CDH4: variants seen among roughly 807,000 people sequenced by gnomAD.
The protein encoded by CDH4 is cadherin-4.
A neutral mutation model predicts 86.0 loss-of-function variants in CDH4; 33 were observed. That is an observed-to-expected ratio of 0.38 (90% CI 0.29 to 0.51). The LOEUF (loss-of-function observed/expected upper bound fraction) is 0.51. CDH4 is among the 20% of genes least tolerant of loss of function. The pLI is 0.86. For synonymous variants in CDH4, 555 were observed against 549.4 expected (o/e 1.01, Z -0.14); for missense variants, 1,114 against 1,307.4 (o/e 0.85, Z 2.28).
intron 2 of CDH4, among the ~76,000 whole-genome samples, chr20:61,388,009 T>C (rs1359595469): frequency 6.6e-6 from 1 of 152,192 alleles, no homozygotes; most frequent in Non-Finnish European, 1.5e-5. Flanking sequence ...AATAAATGGG[T>C]GTCTATAATT....
intron 2 of CDH4, among the ~76,000 whole-genome samples, chr20:61,729,953 A>G (rs545761261): frequency 6.6e-6 from 1 of 152,256 alleles, no homozygotes; most frequent in Admixed American, 6.5e-5. Context: ...TTCTTTGGAG[A>G]AGGTACAGCT....
intron 2 of CDH4, among the ~76,000 whole-genome samples, chr20:61,285,573 A>T (rs1182601882): frequency 6.6e-6 from 1 of 152,264 alleles, no homozygotes; most frequent in Non-Finnish European, 1.5e-5. Flanking sequence ...GCAGATAATG[A>T]TGGCACCATA....
Position 61,709,912 on chromosome 20 carries a change from C to T in CDH4, c.170-33651C>T, listed in dbSNP as rs1370544653. Among the ~76,000 whole-genome samples, 2 of 152,092 alleles carry T rather than the reference C, an allele frequency of 1.3e-5. No individual in the cohort carries two copies. Among genetic ancestry groups the T allele is most frequent in the Middle Eastern group, 3.2e-3 (1 of 316 alleles). ...AGATGATCACGTCTGTTTTTGTAGC[C>T]GTGTGAGAGTTTTTTTCATTAGCGG... On this transcript the variant is annotated intron_variant, in intron 2 of 15. Coordinates refer to ENST00000614565, the MANE Select transcript of CDH4 (RefSeq NM_001794.5). This position sits in a 1 kb window ranked among gnomAD's most constrained non-coding sequence, Gnocchi z 4.8.
intron 2 of CDH4, among the ~76,000 whole-genome samples, chr20:61,444,731 G>A (rs1296765023): frequency 7.0e-6 from 1 of 143,458 alleles, no homozygotes; most frequent in African/African-American, 2.6e-5. Context: ...GTATATGTAT[G>A]TGTGTTTCTC....
rs1360115740 is a variant in CDH4, at chr20:61,923,675, C to T, written c.1599C>T (p.Asp533=). The stretch of plus-strand genomic sequence containing the variant: ...TGCTGACCACGTTTTCAGCTGTGGA[C>T]CCTGACCGGTTCATGCAGCAGGCTG... The part of the protein sequence containing the change: ...GTVLTTFSAV[D]PDRFMQQAVR... Residue 533 remains aspartate (D), a synonymous_variant, in exon 10 of 16, where the codon GAC becomes GAT. Transcript: ENST00000614565. The T allele has an allele frequency of 3.1e-6, 5 of 1,613,922 alleles. No individual in the cohort carries two copies. The Admixed American group carries it at 5.0e-5, about 16-fold the overall frequency.
At position 61,286,104 on chromosome 20, in the gene CDH4, T is replaced by G. The variant is rs564831081; in HGVS notation, c.169+31167T>G. Reference sequence around the variant, plus strand: ...GCAAGGGATCAGAGGGAGATGGTGCTCAGATTGATGGTGAGTTGGCCAAGG... The same window carrying G: ...GCAAGGGATCAGAGGGAGATGGTGCGCAGATTGATGGTGAGTTGGCCAAGG... On this transcript the variant is annotated intron_variant, in intron 2 of 15. Transcript: ENST00000614565. Among the ~76,000 whole-genome samples the G allele has an allele frequency of 3.3e-4, 51 of 152,314 alleles. No individual in the cohort carries two copies. The South Asian group carries it at 0.011, about 32-fold the overall frequency.
At chr20:61,605,324 C>CCTCT (rs55716623) in intron 2 of CDH4, among the ~76,000 whole-genome samples, 37 of 150,348 alleles carry the variant, frequency 2.5e-4, no homozygotes, top group South Asian at 1.5e-3. Context: ...GCCCACTCTG[C>CCTCT]CTCTCTCTCT....
intron 8 of CDH4, among the ~76,000 whole-genome samples, chr20:61,897,367 C>A (rs1396816928): frequency 3.3e-5 from 5 of 152,102 alleles, no homozygotes; most frequent in Non-Finnish European, 5.9e-5. Flanking sequence ...AAGGCAGAGG[C>A]CCTTCTAGAC....
At chr20:61,513,365 C>T (rs1444021901) in intron 2 of CDH4, among the ~76,000 whole-genome samples, 2 of 152,192 alleles carry the variant, frequency 1.3e-5, no homozygotes, top group African/African-American at 4.8e-5. Flanking sequence ...TGGAACGGAC[C>T]CTCTGTTGAC....
At chr20:61,771,621 C>CAAAA (rs71331929) in intron 3 of CDH4, among the ~76,000 whole-genome samples, 2 of 110,064 alleles carry the variant, frequency 1.8e-5, no homozygotes, top group African/African-American at 3.6e-5. Flanking sequence ...GACTCCATCT[C>CAAAA]AAAAAAAAAA....
intron 2 of CDH4, among the ~76,000 whole-genome samples, chr20:61,283,637 G>A (rs1349050801): frequency 6.6e-6 from 1 of 152,230 alleles, no homozygotes; most frequent in African/African-American, 2.4e-5. Context: ...TGGTGTGTGT[G>A]TGGTGAGTGG....
At chr20:61,274,596 C>CTTGGGGGAGTACCGTGTGCAGT (rs2084214882) in intron 2 of CDH4, among the ~76,000 whole-genome samples, 2 of 32,466 alleles carry the variant, frequency 6.2e-5, no homozygotes, top group African/African-American at 2.3e-4. Context: ...CTGTGTGCAG[C>CTTGGGGGAGTACCGTGTGCAGT]TTGGGGGAGT....
In CDH4 at chr20:61,936,723, T is replaced by C. The variant is rs2055195019; in HGVS notation, c.2545-14T>C. On this transcript the variant is annotated splice_polypyrimidine_tract_variant and intron_variant, in intron 15 of 15. Transcript: ENST00000614565. ...ACGCGTCCTGCACCCTAACTCTGTGTCTGTGACCCCCAGGGACTCCGCGCT... is the reference window on the plus strand; with the variant it reads ...ACGCGTCCTGCACCCTAACTCTGTGCCTGTGACCCCCAGGGACTCCGCGCT... The C allele has an allele frequency of 6.6e-7, 1 of 1,519,532 alleles. No individual in the cohort carries two copies. The highest frequency in any genetic ancestry group is 2.1e-5 in the Admixed American group (1 of 46,984). 94.1% of individuals were successfully genotyped at this position (1,519,532 alleles called of 1,614,324 possible).
chr20:61,843,822 G>A lies in CDH4; in HGVS notation c.577-846G>A, dbSNP rs187575083. ...GAGAAAAAAAGTAGTATATGCTAAA[G>A]ACATGCTCAAAGTTGAATGCAAATC... On this transcript the variant is annotated intron_variant, in intron 4 of 15. Coordinates refer to ENST00000614565, the MANE Select transcript of CDH4 (RefSeq NM_001794.5). 4.6e-5 allele frequency among the ~76,000 whole-genome samples: 7 copies of A among 152,226 alleles called. No homozygotes were observed. In the East Asian group the frequency reaches 1.3e-3, roughly 29 times the overall value.
At chr20:61,499,251 C>T (rs1317185158) in intron 2 of CDH4, among the ~76,000 whole-genome samples, 1 of 152,218 alleles carries the variant, frequency 6.6e-6, no homozygotes, top group African/African-American at 2.4e-5. Flanking sequence ...CAGCGTCAGG[C>T]AGTCAGGAGC....
intron 2 of CDH4, among the ~76,000 whole-genome samples, chr20:61,453,815 G>A (rs1343180090): frequency 3.9e-5 from 6 of 152,290 alleles, no homozygotes; most frequent in African/African-American, 9.6e-5. Context: ...TTGTGGGAGG[G>A]ACCCAGTGGG....
At chr20:61,822,289 T>G (rs1303552751) in intron 4 of CDH4, among the ~76,000 whole-genome samples, 1 of 152,218 alleles carries the variant, frequency 6.6e-6, no homozygotes, top group Admixed American at 6.5e-5. Flanking sequence ...AATAACCGTC[T>G]TGTCTTGTGG....
chr20:61,667,891 G>A (rs111520427), intron 2 of CDH4, among the ~76,000 whole-genome samples: 70 of 152,312 alleles, frequency 4.6e-4, no homozygotes, highest in African/African-American at 1.5e-3. Flanking sequence ...ACTGCAAGGC[G>A]GAGGGACCCC....
At chr20:61,799,113 C>T (rs1226099093) in intron 4 of CDH4, among the ~76,000 whole-genome samples, 2 of 152,200 alleles carry the variant, frequency 1.3e-5, no homozygotes, top group Non-Finnish European at 2.9e-5. Context: ...CTACATTGCT[C>T]ATCAACTGTT....
Sources: allele counts gnomAD v4.1 joint callset (sites outside exome capture counted in the v4.1 genomes callset), GRCh38; gene constraint gnomAD v4.1.1; non-coding constraint Gnocchi (gnomAD v3.1); transcripts MANE v1.5; gene names NCBI Gene and HGNC (gene_info 2026-07-23, HGNC 2026-07-21).